Variants in MUC5B observed in about 807,000 individuals in gnomAD.
MUC5B encodes the protein mucin 5B, oligomeric mucus/gel-forming.
MUC5B carries 116 observed loss-of-function variants against 376.9 expected under a neutral mutation model. The ratio of observed to expected loss-of-function variants is 0.31; its 90% CI spans 0.26 to 0.36. The LOEUF is 0.36. Ranked by LOEUF, MUC5B falls within the 10% of genes least tolerant of loss-of-function variation. MUC5B has a pLI of 1.00. For synonymous variants in MUC5B, 3,517 were observed against 3,390.9 expected (o/e 1.04, Z -1.29); for missense variants, 7,165 against 7,769.9 (o/e 0.92, Z 2.93).
Position 1,246,749 on chromosome 11 carries a change from C to G in MUC5B, c.9869C>G (p.Thr3290Ser). The change falls in exon 31 of 49, where the codon ACC becomes AGC. Residue 3290 changes from threonine (T) to serine (S), a missense_variant. This residue lies in a region of MUC5B where 939 missense variants were observed against 770.6 expected (regional missense o/e 1.22). Transcript: ENST00000529681. ...LTTTTTTTRATGSVATPSSTP... is the reference protein window; with the variant it reads ...LTTTTTTTRASGSVATPSSTP... ...ACCACGACCACCACAACCAGGGCCACCGGCTCTGTGGCCACCCCCTCCTCC... is the reference window on the plus strand; with the variant it reads ...ACCACGACCACCACAACCAGGGCCAGCGGCTCTGTGGCCACCCCCTCCTCC... The G allele has an allele frequency of 6.2e-7, 1 of 1,609,860 alleles. No individual in the cohort carries two copies. The highest frequency in any genetic ancestry group is 8.5e-7 in the Non-Finnish European group (1 of 1,177,458).
At position 1,248,785 on chromosome 11, in the gene MUC5B, A is replaced by T. The variant is rs942274494; in HGVS notation, c.11905A>T (p.Thr3969Ser). Residue 3969 changes from threonine to serine, a missense_variant, in exon 31 of 49, where the codon ACA becomes TCA. Coordinates refer to ENST00000529681, the MANE Select transcript of MUC5B (RefSeq NM_002458.3). ...CACCAACCCCTCCTCAACTCCAGGG[A>T]CAACACCTATCCCCCCAGTGCTGAC... ...STTNPSSTPG[T>S]TPIPPVLTTT... 90 of 1,548,784 alleles carry T rather than the reference A, an allele frequency of 5.8e-5. No homozygotes were observed. In the African/African-American group the frequency reaches 1.2e-3, roughly 20 times the overall value.
Position 1,250,131 on chromosome 11 carries a change from C to T in MUC5B, c.13251C>T (p.Thr4417=), listed in dbSNP as rs780940800. 7 of 1,608,608 alleles carry T rather than the reference C, an allele frequency of 4.4e-6. No homozygotes were observed. In the South Asian group the frequency reaches 4.4e-5, roughly 10 times the overall value. Residue 4417 remains threonine (T), a synonymous_variant, in exon 31 of 49, where the codon ACC becomes ACT. Transcript: ENST00000529681. ...CCACCCCGTCCTCCACCCCAGGGAC[C>T]ACCTGGATCCTCACAGAGCTGACCA... The part of the protein sequence containing the change: ...PTATPSSTPG[T]TWILTELTTT...
In MUC5B at chr11:1,234,086, G is replaced by T; in HGVS notation, c.2378-119G>T. 1 of 912,748 alleles carries T rather than the reference G, an allele frequency of 1.1e-6. No homozygotes were observed. Among genetic ancestry groups the T allele is most frequent in the Non-Finnish European group, 1.7e-6 (1 of 582,400 alleles). The allele number at this position is 912,748 out of a possible 1,614,324, so 56.5% of individuals were successfully genotyped here. On this transcript the variant is annotated intron_variant, in intron 19 of 48. Coordinates refer to ENST00000529681, the MANE Select transcript of MUC5B (RefSeq NM_002458.3). This position sits in a 1 kb window ranked among gnomAD's most constrained non-coding sequence, Gnocchi z 6.3. ...GGGGTTGGGGGCTGCAGGTGTCATG[G>T]AAGCTTTGGCTCGGGGGCTGTTAAC...
Position 1,255,469 on chromosome 11 carries a change from T to C in MUC5B, c.15977T>C (p.Val5326Ala). Residue 5326 changes from valine to alanine, a missense_variant, in exon 37 of 49, where the codon GTG (valine) becomes GCG (alanine). By Grantham distance (64) the Val-to-Ala change is moderately conservative. Coordinates refer to ENST00000529681, the MANE Select transcript of MUC5B (RefSeq NM_002458.3). ...ISDHCRGRLE[V>A]PCQSLEAYAE... is the part of the protein sequence containing the mutation. ...GACCACTGCAGGGGCCGCCTTGAGG[T>C]GCCCTGCCAGAGCCTGGAGGCTTAC... 6.3e-7 allele frequency: 1 copy of C among 1,592,102 alleles called. No homozygotes were observed. Among genetic ancestry groups the C allele is most frequent in the Non-Finnish European group, 8.5e-7 (1 of 1,170,306 alleles).
At position 1,238,289 on chromosome 11, in the gene MUC5B, C is replaced by A. The variant is rs577753480; in HGVS notation, c.3298-582C>A. Among the ~76,000 whole-genome samples, 172 of 152,334 alleles carry A rather than the reference C, an allele frequency of 1.1e-3. 2 individuals are homozygous for A. Among genetic ancestry groups the A allele is most frequent in the South Asian group, 2.3e-3 (11 of 4,826 alleles). ...AATAGCCTGGCATGTTCTGGGCTCACCCCAGTGATCAGGGGACGAGGCTGA... is the reference window on the plus strand; with the variant it reads ...AATAGCCTGGCATGTTCTGGGCTCAACCCAGTGATCAGGGGACGAGGCTGA... On this transcript the variant is annotated intron_variant, in intron 25 of 48. Coordinates refer to ENST00000529681, the MANE Select transcript of MUC5B (RefSeq NM_002458.3).
In MUC5B at chr11:1,235,404, C is replaced by G; in HGVS notation, c.2871C>G (p.Leu957=). The G allele has an allele frequency of 1.2e-6, 2 of 1,612,068 alleles. No individual in the cohort carries two copies. The highest frequency in any genetic ancestry group is 8.5e-7 in the Non-Finnish European group (1 of 1,179,636). ...CCACCTGCTCCAAGGCCATCAAGCT[C>G]TTCGTGGAGGTGAGAACGGCCCCAG... ...TGTTCSKAIK[L]FVESYELILQ... The change falls in exon 23 of 49, where the codon CTC becomes CTG. Residue 957 remains leucine (L), a synonymous_variant. Transcript: ENST00000529681.
Position 1,258,807 on chromosome 11 carries a change from A to G in MUC5B, c.16594-135A>G, listed in dbSNP as rs1862917177. ...ATCAGCTCCCTGCCTGCCTGGGTCC[A>G]TGCTCAGCCAGGGGTGCATCTATGC... On this transcript the variant is annotated intron_variant, in intron 43 of 48. Transcript: ENST00000529681. The surrounding 1 kb of genome is among the most constrained non-coding windows in gnomAD (Gnocchi z 5.5). The G allele has an allele frequency of 5.5e-6, 7 of 1,266,406 alleles. No homozygotes were observed. Among genetic ancestry groups the G allele is most frequent in the Admixed American group, 4.5e-5 (2 of 43,982 alleles). 78.4% of individuals were successfully genotyped at this position (1,266,406 alleles called of 1,614,324 possible).
At chr11:1,237,811 G>A (rs961027900) in intron 25 of MUC5B, among the ~76,000 whole-genome samples, 2 of 152,252 alleles carry the variant, frequency 1.3e-5, no homozygotes, top group Non-Finnish European at 2.9e-5. Flanking sequence ...GGAGGTTGCA[G>A]TGAGCCAAGA....
intron 1 of MUC5B, among the ~76,000 whole-genome samples, chr11:1,224,852 C>G (rs1196975726): frequency 2.0e-5 from 3 of 152,102 alleles, no homozygotes; most frequent in Non-Finnish European, 4.4e-5. Flanking sequence ...CCTGACCATG[C>G]TGTGGGGGCT....
Position 1,248,101 on chromosome 11 carries a change from G to A in MUC5B, c.11221G>A (p.Ala3741Thr), listed in dbSNP as rs373457500. 161 of 1,595,916 alleles carry A rather than the reference G, an allele frequency of 1.0e-4. 2 individuals carry two copies. In the South Asian group the frequency reaches 1.3e-3, roughly 13 times the overall value. The change falls in exon 31 of 49, where the codon GCC (alanine) becomes ACC (threonine). Residue 3741 changes from alanine to threonine, a missense_variant. Around this residue, in one of 31 missense-constraint regions of MUC5B, gnomAD observed 72 missense variants for 127.8 expected, o/e 0.56. Coordinates refer to ENST00000529681, the MANE Select transcript of MUC5B (RefSeq NM_002458.3). ...VTVPTGSTAT[A>T]SSTQATAGTP... is the part of the protein sequence containing the mutation. ...GGTGCCCACCGGATCCACGGCCACC[G>A]CCTCCTCCACCCAGGCAACTGCTGG...
chr11:1,256,470 C>A (rs1259836917), intron 38 of MUC5B: 2 of 515,706 alleles, frequency 3.9e-6, no homozygotes, highest in East Asian at 3.3e-5. Flanking sequence ...CGAGCCCCAC[C>A]CATCCCCGCC....
rs1226181387 is a variant in MUC5B, at chr11:1,253,667, A to T, written c.15218-425A>T. Among the ~76,000 whole-genome samples the T allele has an allele frequency of 6.6e-6, 1 of 151,970 alleles. No homozygotes were observed. Among genetic ancestry groups the T allele is most frequent in the Admixed American group, 6.6e-5 (1 of 15,258 alleles). On this transcript the variant is annotated intron_variant, in intron 33 of 48. Transcript: ENST00000529681. This position sits in a 1 kb window ranked among gnomAD's most constrained non-coding sequence, Gnocchi z 4.3. ...TGGGGAGGTCCTTCCTGCCTCTCCCAGCTTTGGGGACTCCAGGTGTCCTTT... is the reference window on the plus strand; with the variant it reads ...TGGGGAGGTCCTTCCTGCCTCTCCCTGCTTTGGGGACTCCAGGTGTCCTTT...
At position 1,226,891 on chromosome 11, in the gene MUC5B, C is replaced by T. The variant is rs55990861; in HGVS notation, c.461+15C>T. 1 of 1,499,604 alleles carries T rather than the reference C, an allele frequency of 6.7e-7. No homozygotes were observed. Among genetic ancestry groups the T allele is most frequent in the African/African-American group, 1.4e-5 (1 of 71,170 alleles). 92.9% of individuals were successfully genotyped at this position (1,499,604 alleles called of 1,614,324 possible). On this transcript the variant is annotated intron_variant, in intron 4 of 48. Coordinates refer to ENST00000529681, the MANE Select transcript of MUC5B (RefSeq NM_002458.3). Reference sequence around the variant, plus strand: ...AATGGGCAGCGGTGAGCCGGCCACCCTGGGGAGGGGCGAGGGCCGGGCCAC... The same window carrying T: ...AATGGGCAGCGGTGAGCCGGCCACCTTGGGGAGGGGCGAGGGCCGGGCCAC...
At chr11:1,236,833 A>AGGGCTCTGGAGCCCAGGGT in intron 24 of MUC5B, 92 bp from the exon 25 acceptor site, 1 of 1,372,700 alleles carries the variant, frequency 7.3e-7, no homozygotes, top group Non-Finnish European at 9.5e-7. Context: ...CCATCCCCCG[A>AGGGCTCTGGAGCCCAGGGT]GGGCTCTGGA....
chr11:1,228,704 C>T lies in MUC5B; in HGVS notation c.915C>T (p.Tyr305=), dbSNP rs565238696. 19 of 1,532,568 alleles carry T rather than the reference C, an allele frequency of 1.2e-5. 1 individual carries two copies. In the South Asian group the frequency reaches 2.3e-4, roughly 18 times the overall value. The allele number at this position is 1,532,568 out of a possible 1,614,324, so 94.9% of individuals were successfully genotyped here. ...PTCPCATFVE[Y]SRQCAHAGGQ... ...GCCCGTGTGCCACCTTTGTGGAATA[C>T]TCACGCCAGTGCGCCCACGCGGGGG... The change falls in exon 8 of 49, where the codon TAC becomes TAT. Residue 305 remains tyrosine (Y), a synonymous_variant. Coordinates refer to ENST00000529681, the MANE Select transcript of MUC5B (RefSeq NM_002458.3).
At chr11:1,232,223 C>T in intron 15 of MUC5B, 63 bp downstream of exon 15, 10 of 1,499,014 alleles carry the variant, frequency 6.7e-6, no homozygotes, top group African/African-American at 1.4e-5. Flanking sequence ...ACCTTCCTGT[C>T]CCCTGGGCCA....
At chr11:1,260,553 G>A in intron 47 of MUC5B, 73 bp from the exon 48 acceptor site, 1 of 1,491,242 alleles carries the variant, frequency 6.7e-7, no homozygotes, top group Non-Finnish European at 9.3e-7. Context: ...CCATGGGGAG[G>A]GTCGGCCCAG....
intron 39 of MUC5B, 108 bp downstream of exon 39, chr11:1,256,879 G>A: frequency 1.2e-6 from 1 of 844,132 alleles, no homozygotes; most frequent in Non-Finnish European, 1.8e-6. Context: ...CTCCCCAGCT[G>A]ACCCCCGTGA....
chr11:1,225,595 C>A, intron 1 of MUC5B, 86 bp from the exon 2 acceptor site: 2 of 1,261,762 alleles, frequency 1.6e-6, no homozygotes, highest in Non-Finnish European at 2.2e-6. Flanking sequence ...GGCTGCCGCA[C>A]CAGGGATGTG....
Sources: allele counts gnomAD v4.1 joint callset (sites outside exome capture counted in the v4.1 genomes callset), GRCh38; gene constraint gnomAD v4.1.1; regional missense constraint gnomAD v4.1.1; non-coding constraint Gnocchi (gnomAD v3.1); transcripts MANE v1.5; gene names NCBI Gene and HGNC (gene_info 2026-07-23, HGNC 2026-07-21).